TBC1D22A: variants seen among roughly 807,000 people sequenced by gnomAD.
TBC1D22A encodes TBC1 domain family member 22A.
TBC1D22A carries 38 observed loss-of-function variants against 60.2 expected under a neutral mutation model. The ratio of observed to expected loss-of-function variants is 0.63; its 90% confidence interval spans 0.49 to 0.83. The LOEUF (loss-of-function observed/expected upper bound fraction) is 0.83. Among genes scored for constraint, TBC1D22A ranks in the 40% least tolerant of loss-of-function variants. The pLI is 0.00. For synonymous variants in TBC1D22A, 302 were observed against 281.7 expected (o/e 1.07, Z -0.72); for missense variants, 628 against 701.0 (o/e 0.90, Z 1.18).
intron 8 of TBC1D22A, among the ~76,000 whole-genome samples, chr22:46,912,500 C>T (rs1016110029): frequency 3.3e-5 from 5 of 152,096 alleles, no homozygotes; most frequent in Admixed American, 3.3e-4. Context: ...TTAATGGTTT[C>T]AGTCATTCAA....
chr22:46,823,317 C>T lies in TBC1D22A; in HGVS notation c.637+25697C>T, dbSNP rs115327626. On this transcript the variant is annotated intron_variant, in intron 4 of 12. Transcript: ENST00000337137. Reference sequence around the variant, plus strand: ...AGTTTAGGCTTATATACATAATGCACGTTTATTATAGAAAAATTTGGAAAA... The same window carrying T: ...AGTTTAGGCTTATATACATAATGCATGTTTATTATAGAAAAATTTGGAAAA... 9.0e-3 allele frequency among the ~76,000 whole-genome samples: 1,365 copies of T among 152,250 alleles called. 19 individuals are homozygous for T. Among genetic ancestry groups the T allele is most frequent in the African/African-American group, 0.031 (1,271 of 41,528 alleles).
chr22:46,808,055 A>G (rs2147008084), intron 4 of TBC1D22A, among the ~76,000 whole-genome samples: 1 of 152,354 alleles, frequency 6.6e-6, no homozygotes, highest in South Asian at 2.1e-4. Flanking sequence ...GAAATTTCTA[A>G]TGAACAGAAA....
chr22:46,917,357 C>G (rs1414414156), intron 8 of TBC1D22A, among the ~76,000 whole-genome samples: 1 of 152,128 alleles, frequency 6.6e-6, no homozygotes, highest in Non-Finnish European at 1.5e-5. Flanking sequence ...CCGGTGGAGG[C>G]AGGAGACTCG....
At chr22:46,867,538 C>T (rs2067113471) in intron 4 of TBC1D22A, among the ~76,000 whole-genome samples, 1 of 152,176 alleles carries the variant, frequency 6.6e-6, no homozygotes, top group Non-Finnish European at 1.5e-5. Context: ...AGTTGTTAAC[C>T]ATTGGAAGAA....
intron 12 of TBC1D22A, chr22:47,117,049 G>C (rs1305405581): frequency 1.3e-5 from 2 of 153,828 alleles, no homozygotes; most frequent in African/African-American, 4.8e-5. Context: ...GGAGAGGGGA[G>C]CCAGTTGGGG....
intron 11 of TBC1D22A, among the ~76,000 whole-genome samples, chr22:47,052,158 G>T (rs2063245915): frequency 6.6e-6 from 1 of 152,248 alleles, no homozygotes; most frequent in Admixed American, 6.5e-5. Flanking sequence ...GCACAGGGAA[G>T]CCAGTTCTGG....
At chr22:46,912,039 C>T in intron 7 of TBC1D22A, 35 bp from the exon 8 acceptor site, 2 of 1,488,062 alleles carry the variant, frequency 1.3e-6, no homozygotes, top group Non-Finnish European at 1.9e-6. Context: ...GCCATGTTTA[C>T]TTTTTGCTTT....
At chr22:46,862,885 A>G (rs1340444587) in intron 4 of TBC1D22A, among the ~76,000 whole-genome samples, 2 of 152,186 alleles carry the variant, frequency 1.3e-5, no homozygotes, top group East Asian at 1.9e-4. Flanking sequence ...TCTCTTGAAG[A>G]GGCACCGTGG....
At chr22:46,819,919 G>C (rs576417750) in intron 4 of TBC1D22A, among the ~76,000 whole-genome samples, 29 of 152,312 alleles carry the variant, frequency 1.9e-4, no homozygotes, top group African/African-American at 6.5e-4. Context: ...TTCAGAGCTT[G>C]TTATTGGTCT....
At chr22:46,873,625 G>T (rs2147450373) in intron 4 of TBC1D22A, among the ~76,000 whole-genome samples, 1 of 152,124 alleles carries the variant, frequency 6.6e-6, no homozygotes, top group South Asian at 2.1e-4. Flanking sequence ...CAGGTATTAG[G>T]CCCAGGATCC....
chr22:46,868,867 G>A (rs980200670), intron 4 of TBC1D22A, among the ~76,000 whole-genome samples: 4 of 152,108 alleles, frequency 2.6e-5, no homozygotes, highest in South Asian at 2.1e-4. Flanking sequence ...TACCTGTCAC[G>A]TATAACTTGT....
Position 46,779,580 on chromosome 22 carries a change from C to A in TBC1D22A, c.63-12940C>A, listed in dbSNP as rs571410130. Among the ~76,000 whole-genome samples the A allele has an allele frequency of 7.9e-5, 12 of 152,222 alleles. No homozygotes were observed. The East Asian group carries it at 2.3e-3, about 29-fold the overall frequency. The stretch of plus-strand genomic sequence containing the variant: ...GGCCAGGACAATTTCAAAATACTTC[C>A]ATTTCCTTCATATTTTCTGTTTTCT... On this transcript the variant is annotated intron_variant, in intron 1 of 12. Transcript: ENST00000337137.
At chr22:46,792,655 TTCCTGCTCCCA>T in intron 2 of TBC1D22A, 79 bp downstream of exon 2, 1 of 1,613,050 alleles carries the variant, frequency 6.2e-7, no homozygotes, top group Non-Finnish European at 8.5e-7. Flanking sequence ...TCCTGCTTCC[TTCCTGCTCCCA>T]GGCATTCCTC....
intron 4 of TBC1D22A, among the ~76,000 whole-genome samples, chr22:46,844,715 G>A (rs141457380): frequency 6.6e-6 from 1 of 152,346 alleles, no homozygotes; most frequent in African/African-American, 2.4e-5. Context: ...CACTTACCCA[G>A]TTGTAATGAA....
intron 3 of TBC1D22A, among the ~76,000 whole-genome samples, chr22:46,795,208 G>T (rs1213579282): frequency 1.3e-5 from 2 of 152,238 alleles, no homozygotes; most frequent in Admixed American, 1.3e-4. Context: ...CCTTCTGCAG[G>T]CCCAGTCCTG....
At chr22:46,781,765 G>T (rs928836921) in intron 1 of TBC1D22A, among the ~76,000 whole-genome samples, 5 of 152,166 alleles carry the variant, frequency 3.3e-5, no homozygotes, top group African/African-American at 1.2e-4. Flanking sequence ...CCTGTGTGCG[G>T]CCTCTCCTGT....
intron 8 of TBC1D22A, among the ~76,000 whole-genome samples, chr22:46,940,079 A>C (rs971385501): frequency 6.6e-6 from 1 of 152,238 alleles, no homozygotes; most frequent in African/African-American, 2.4e-5. Flanking sequence ...TTCCCAGTCC[A>C]TATAAAAGTT....
At chr22:46,789,319 G>A (rs1330566613) in intron 1 of TBC1D22A, 1 of 412,254 alleles carries the variant, frequency 2.4e-6, no homozygotes, top group African/African-American at 2.1e-5. Flanking sequence ...TAGAGACGGG[G>A]TTTCACTGTG....
chr22:47,001,062 A>G (rs1003725248), intron 10 of TBC1D22A, among the ~76,000 whole-genome samples: 3 of 152,114 alleles, frequency 2.0e-5, no homozygotes, highest in African/African-American at 7.2e-5. Context: ...CCGATTAGTC[A>G]GGATAGGGAT....
Sources: gnomAD v4.1 joint callset for allele counts (sites outside exome capture counted in the v4.1 genomes callset) on GRCh38, gnomAD v4.1.1 for gene constraint, MANE v1.5 for transcripts, NCBI Gene and HGNC (gene_info 2026-07-23, HGNC 2026-07-21) for gene names.